KCMF1: variants seen among roughly 807,000 people sequenced by gnomAD.
KCMF1 encodes the protein potassium channel modulatory factor 1, also known as E3 ubiquitin-protein ligase KCMF1.
A neutral mutation model predicts 41.1 loss-of-function variants in KCMF1; 3 were observed. The ratio of observed to expected loss-of-function variants is 0.07; its 90% CI spans 0.03 to 0.19. The LOEUF (loss-of-function observed/expected upper bound fraction) is 0.19. KCMF1 is among the 10% of genes least tolerant of loss of function. The pLI is 1.00. For synonymous variants in KCMF1, 142 were observed against 164.5 expected (o/e 0.86, Z 1.04); for missense variants, 286 against 488.9 (o/e 0.58, Z 3.91).
At chr2:85,004,993 G>A (rs971689046) in intron 1 of KCMF1, among the ~76,000 whole-genome samples, 10 of 151,880 alleles carry the variant, frequency 6.6e-5, no homozygotes, top group Non-Finnish European at 1.2e-4. Flanking sequence ...TCCAGCCTCC[G>A]CCTCCCAGGT....
chr2:85,046,629 CA>C (rs1252387892), intron 5 of KCMF1, among the ~76,000 whole-genome samples: 2,028 of 76,730 alleles, frequency 0.026, 19 homozygotes, highest in African/African-American at 0.057. Flanking sequence ...GACCCTGTCT[CA>C]AAAAAAAAAA....
At chr2:85,044,243 C>A (rs1675610083) in intron 4 of KCMF1, among the ~76,000 whole-genome samples, 1 of 152,128 alleles carries the variant, frequency 6.6e-6, no homozygotes, top group Non-Finnish European at 1.5e-5. Context: ...ATGGTGGGGA[C>A]AGGTGTGCAT....
At chr2:85,020,071 T>G (rs1354139048) in intron 1 of KCMF1, among the ~76,000 whole-genome samples, 1 of 152,132 alleles carries the variant, frequency 6.6e-6, no homozygotes, top group Admixed American at 6.5e-5. Flanking sequence ...AGCTTTGAAT[T>G]AAATCACAAG....
intron 1 of KCMF1, among the ~76,000 whole-genome samples, chr2:85,009,614 G>C (rs1022192184): frequency 1.3e-5 from 2 of 152,040 alleles, no homozygotes; most frequent in South Asian, 4.1e-4. Flanking sequence ...CTAGAGTAGG[G>C]TTCCAGTTTT....
At chr2:84,989,631 G>A (rs1043737931) in intron 1 of KCMF1, among the ~76,000 whole-genome samples, 2 of 152,170 alleles carry the variant, frequency 1.3e-5, no homozygotes, top group Non-Finnish European at 2.9e-5. Context: ...TCTGGTGATC[G>A]ATTAAGCATG....
chr2:85,010,253 T>C (rs760626944), intron 1 of KCMF1, among the ~76,000 whole-genome samples: 3 of 152,116 alleles, frequency 2.0e-5, no homozygotes, highest in Non-Finnish European at 4.4e-5. Context: ...GGGATCAGTT[T>C]AGGCCAGGAG....
intron 1 of KCMF1, among the ~76,000 whole-genome samples, chr2:85,017,998 T>C (rs1674825204): frequency 6.6e-6 from 1 of 152,218 alleles, no homozygotes; most frequent in Admixed American, 6.5e-5. Context: ...AGATATATGC[T>C]GATAATATGA....
chr2:85,056,627 C>A lies in KCMF1; in HGVS notation c.*3218C>A, dbSNP rs6730797. 6.6e-6 allele frequency: 1 copy of A among 152,134 alleles called. No individual in the cohort carries two copies. The highest frequency in any genetic ancestry group is 2.4e-5 in the African/African-American group (1 of 41,400). The allele number at this position is 152,134 out of a possible 1,614,324, so 9.4% of individuals were successfully genotyped here. On this transcript the variant is annotated 3_prime_UTR_variant, in exon 7 of 7. Coordinates refer to ENST00000409785, the MANE Select transcript of KCMF1 (RefSeq NM_020122.5). ...GAGAGGTTACGGTAGCAGGTGGCTG[C>A]AGAAAAGAATCTTTTGAATGGGATT...
intron 4 of KCMF1, among the ~76,000 whole-genome samples, chr2:85,044,945 G>A (rs1283749875): frequency 6.6e-6 from 1 of 152,168 alleles, no homozygotes; most frequent in Non-Finnish European, 1.5e-5. Flanking sequence ...GTTATGAATT[G>A]TTCGTCTAAA....
rs1675864390 is a variant in KCMF1 at position 85,053,791 on chromosome 2, T to G, written c.*382T>G. The G allele has an allele frequency of 6.1e-6, 1 of 163,170 alleles. No individual in the cohort carries two copies. Among genetic ancestry groups the G allele is most frequent in the Admixed American group, 6.2e-5 (1 of 16,028 alleles). 10.1% of individuals were successfully genotyped at this position (163,170 alleles called of 1,614,324 possible). The stretch of plus-strand genomic sequence containing the variant: ...ACCTTAACTACTGCATGAGGTTTTT[T>G]GCAGCGTGCATGAGTTTTAGTGACC... On this transcript the variant is annotated 3_prime_UTR_variant, in exon 7 of 7. Coordinates refer to ENST00000409785, the MANE Select transcript of KCMF1 (RefSeq NM_020122.5).
intron 1 of KCMF1, among the ~76,000 whole-genome samples, chr2:84,997,762 TTC>T (rs1674211043): frequency 6.7e-6 from 1 of 149,960 alleles, no homozygotes; most frequent in Admixed American, 6.6e-5. Flanking sequence ...AAAATACATT[TTC>T]TTTTTTTTTT....
chr2:85,044,364 G>GCTTTT (rs1369136002), intron 4 of KCMF1, among the ~76,000 whole-genome samples: 7 of 151,748 alleles, frequency 4.6e-5, no homozygotes, highest in South Asian at 4.2e-4. Flanking sequence ...TTCCTTTCCT[G>GCTTTT]CTTTTCTTTT....
chr2:84,978,555 GTTT>G, intron 1 of KCMF1, among the ~76,000 whole-genome samples: 1 of 148,358 alleles, frequency 6.7e-6, no homozygotes, highest in East Asian at 2.0e-4. Flanking sequence ...ATGTATTTGG[GTTT>G]TTTTTTGAGA....
At chr2:85,040,935 A>G (rs774660416) in intron 3 of KCMF1, among the ~76,000 whole-genome samples, 9 of 151,320 alleles carry the variant, frequency 5.9e-5, no homozygotes, top group Non-Finnish European at 1.2e-4. Context: ...TCATTTTTGT[A>G]TTTTTTAGTA....
intron 1 of KCMF1, among the ~76,000 whole-genome samples, chr2:84,983,261 A>G (rs560129317): frequency 9.2e-5 from 14 of 152,288 alleles, no homozygotes; most frequent in African/African-American, 3.4e-4. Flanking sequence ...TATCCAAAAT[A>G]CCATTTCAAC....
chr2:84,998,442 A>G (rs558162118), intron 1 of KCMF1, among the ~76,000 whole-genome samples: 1 of 152,298 alleles, frequency 6.6e-6, no homozygotes, highest in Admixed American at 6.5e-5. Flanking sequence ...TAATGGAAAC[A>G]AACACTTTAT....
chr2:84,990,508 ATAAAG>A (rs746406772), intron 1 of KCMF1, among the ~76,000 whole-genome samples: 2 of 152,276 alleles, frequency 1.3e-5, no homozygotes, highest in East Asian at 1.9e-4. Flanking sequence ...TCTGAAGAAA[ATAAAG>A]TAGAGTGAGA....
In KCMF1 at chr2:85,053,447, A is replaced by G. The variant is rs768880564; in HGVS notation, c.*38A>G. 1 of 1,567,084 alleles carries G rather than the reference A, an allele frequency of 6.4e-7. No individual in the cohort carries two copies. The highest frequency in any genetic ancestry group is 1.2e-5 in the South Asian group (1 of 83,636). ...TCGCAGACAATGTCCTCTGTGCTGT[A>G]TTTGCCAATGAAAGTGGACAACAAC... On this transcript the variant is annotated 3_prime_UTR_variant, in exon 7 of 7. Coordinates refer to ENST00000409785, the MANE Select transcript of KCMF1 (RefSeq NM_020122.5).
At chr2:85,032,800 G>T (rs1675308109) in intron 2 of KCMF1, among the ~76,000 whole-genome samples, 1 of 152,310 alleles carries the variant, frequency 6.6e-6, no homozygotes, top group East Asian at 1.9e-4. Context: ...ATAGGCGTGA[G>T]CCACCTCGCC....
Sources: allele counts gnomAD v4.1 joint callset (sites outside exome capture counted in the v4.1 genomes callset), GRCh38; gene constraint gnomAD v4.1.1; transcripts MANE v1.5; gene names NCBI Gene and HGNC (gene_info 2026-07-23, HGNC 2026-07-21).